NMT1: variants seen among roughly 807,000 people sequenced by gnomAD.
NMT1 encodes the protein glycylpeptide N-tetradecanoyltransferase 1.
NMT1 carries 12 observed loss-of-function variants against 63.4 expected under a neutral mutation model. The observed-to-expected ratio is 0.19, with a 90% CI of 0.12 to 0.31. NMT1 has a LOEUF of 0.31. Ranked by LOEUF, NMT1 falls within the 10% of genes least tolerant of loss-of-function variation. The pLI, the probability that NMT1 is intolerant of heterozygous loss-of-function variation, is 1.00. For synonymous variants in NMT1, 228 were observed against 234.3 expected (o/e 0.97, Z 0.25); for missense variants, 432 against 634.6 (o/e 0.68, Z 3.43).
In NMT1 at chr17:45,105,780, A is replaced by G. The variant is rs2054199303; in HGVS notation, c.*141A>G. The G allele has an allele frequency of 1.3e-6, 1 of 768,662 alleles. No homozygotes were observed. Among genetic ancestry groups the G allele is most frequent in the African/African-American group, 1.8e-5 (1 of 56,962 alleles). The allele number at this position is 768,662 out of a possible 1,614,324, so 47.6% of individuals were successfully genotyped here. ...ACTGAACCGGCTTTACCAAACCGCCAGCGAACTTGACAATTGTATTGCGAT... is the reference window on the plus strand; with the variant it reads ...ACTGAACCGGCTTTACCAAACCGCCGGCGAACTTGACAATTGTATTGCGAT... On this transcript the variant is annotated 3_prime_UTR_variant, in exon 12 of 12. Coordinates refer to ENST00000258960, the MANE Select transcript of NMT1 (RefSeq NM_021079.5). The surrounding 1 kb of genome is among the most constrained non-coding windows in gnomAD (Gnocchi z 4.2).
rs1283050785 is a variant in NMT1 at position 45,108,050 on chromosome 17, C to G, written c.*2411C>G. 6.6e-6 allele frequency: 1 copy of G among 152,234 alleles called. No homozygotes were observed. The highest frequency in any genetic ancestry group is 2.4e-5 in the African/African-American group (1 of 41,452). The allele number at this position is 152,234 out of a possible 1,614,324, so 9.4% of individuals were successfully genotyped here. On this transcript the variant is annotated 3_prime_UTR_variant, in exon 12 of 12. Coordinates refer to ENST00000258960, the MANE Select transcript of NMT1 (RefSeq NM_021079.5). ...GCACCATCCCGGGGGTCAGGGCCTC[C>G]CCACAGGAGCCCTGCAGTGTGGTAG...
At chr17:45,098,237 A>T (rs1389500535) in intron 6 of NMT1, 145 bp from the exon 7 acceptor site, 2 of 672,782 alleles carry the variant, frequency 3.0e-6, no homozygotes, top group Admixed American at 2.3e-5. Flanking sequence ...TGTGGTGGGG[A>T]GTCCCAGTAC....
rs2054199978 is a variant in NMT1 at position 45,105,860 on chromosome 17, A to C, written c.*221A>C. ...CGTGTCTCTGGTCTCCGTGTTTTCC[A>C]GTTAATTACATCCTCATGCAGCCGT... On this transcript the variant is annotated 3_prime_UTR_variant, in exon 12 of 12. Transcript: ENST00000258960. This position sits in a 1 kb window ranked among gnomAD's most constrained non-coding sequence, Gnocchi z 4.2. The C allele has an allele frequency of 3.7e-6, 2 of 542,470 alleles. No individual in the cohort carries two copies. Among genetic ancestry groups the C allele is most frequent in the East Asian group, 6.7e-5 (2 of 29,802 alleles). 33.6% of individuals were successfully genotyped at this position (542,470 alleles called of 1,614,324 possible).
At position 45,104,426 on chromosome 17, in the gene NMT1, A is replaced by G; in HGVS notation, c.1333-433A>G. On this transcript the variant is annotated intron_variant, in intron 10 of 11. Transcript: ENST00000258960. The surrounding 1 kb of genome is among the most constrained non-coding windows in gnomAD (Gnocchi z 4.2). ...CTCCAAGCAACACAGCAGGTGTCATACAACATGAGGTGCACTGAGGGCCTG... is the reference window on the plus strand; with the variant it reads ...CTCCAAGCAACACAGCAGGTGTCATGCAACATGAGGTGCACTGAGGGCCTG... The G allele has an allele frequency of 1.8e-6, 2 of 1,110,304 alleles. No individual in the cohort carries two copies. The highest frequency in any genetic ancestry group is 2.2e-6 in the Non-Finnish European group (2 of 904,634). The allele number at this position is 1,110,304 out of a possible 1,614,324, so 68.8% of individuals were successfully genotyped here. A position where few individuals can be genotyped will look rare whatever the true frequency, so the allele number is the denominator to read the frequency against.
intron 3 of NMT1, among the ~76,000 whole-genome samples, chr17:45,087,134 C>T (rs896523919): frequency 6.6e-6 from 1 of 151,868 alleles, no homozygotes; most frequent in African/African-American, 2.4e-5. Flanking sequence ...GCACTCCAGC[C>T]TATGTGACAG....
intron 8 of NMT1, 66 bp from the exon 9 acceptor site, chr17:45,102,885 T>G: frequency 6.8e-7 from 1 of 1,475,680 alleles, no homozygotes; most frequent in East Asian, 2.4e-5. Flanking sequence ...GCCTGATCTG[T>G]CCTTGCCATG....
In NMT1 at chr17:45,104,977, C is replaced by G; in HGVS notation, c.1451C>G (p.Pro484Arg). The G allele has an allele frequency of 6.2e-7, 1 of 1,614,126 alleles. No homozygotes were observed. Among genetic ancestry groups the G allele is most frequent in the Non-Finnish European group, 8.5e-7 (1 of 1,180,028 alleles). ...LQYYLYNWKC[P>R]SMGAEKVGLV... is the part of the protein sequence containing the mutation. ...TATTACCTTTACAATTGGAAATGCC[C>G]CAGCATGGGGGCAGAGAAGGTAGGC... is the stretch of plus-strand genomic sequence containing the variant. The change falls in exon 11 of 12, where the codon CCC (proline) becomes CGC (arginine). Residue 484 changes from proline to arginine, a missense_variant. By Grantham distance (103) the Pro-to-Arg change is moderately radical. Coordinates refer to ENST00000258960, the MANE Select transcript of NMT1 (RefSeq NM_021079.5). The surrounding 1 kb of genome is among the most constrained non-coding windows in gnomAD (Gnocchi z 4.2).
At chr17:45,061,598 G>A in intron 1 of NMT1, 138 bp downstream of exon 1, 1 of 736,438 alleles carries the variant, frequency 1.4e-6, no homozygotes, top group Non-Finnish European at 2.2e-6. Context: ...TCTGCCTGGC[G>A]ATTGGTTATT....
At chr17:45,074,972 T>C (rs919689726) in intron 1 of NMT1, among the ~76,000 whole-genome samples, 2 of 152,012 alleles carry the variant, frequency 1.3e-5, no homozygotes, top group African/African-American at 2.4e-5. Flanking sequence ...CCAGCACTTT[T>C]GGAGGCCAAG....
intron 2 of NMT1, among the ~76,000 whole-genome samples, chr17:45,085,660 T>G (rs2054047154): frequency 6.6e-6 from 1 of 152,142 alleles, no homozygotes; most frequent in Non-Finnish European, 1.5e-5. Flanking sequence ...ATGTATTACT[T>G]TTGCCATCAA....
chr17:45,106,577 A>G lies in NMT1; in HGVS notation c.*938A>G, dbSNP rs528096327. The G allele has an allele frequency of 3.9e-5, 6 of 152,776 alleles. No homozygotes were observed. The highest frequency in any genetic ancestry group is 1.4e-4 in the African/African-American group (6 of 41,572). 9.5% of individuals were successfully genotyped at this position (152,776 alleles called of 1,614,324 possible). On this transcript the variant is annotated 3_prime_UTR_variant, in exon 12 of 12. Transcript: ENST00000258960. ...TCAGGGACCTTTGGAGACCATTATC[A>G]GTGTAAGCCCTGCTTAGCTCATCTT...
chr17:45,093,458 A>G (rs1298604524), intron 3 of NMT1, among the ~76,000 whole-genome samples: 1 of 152,260 alleles, frequency 6.6e-6, no homozygotes, highest in African/African-American at 2.4e-5. Flanking sequence ...CCAAAACACG[A>G]ACCACCTTGG....
chr17:45,104,611 G>A lies in NMT1; in HGVS notation c.1333-248G>A. ...ATAACCAGGAATAGCAAGAGCCCCG[G>A]CCTGGACACTGAGTACATATGTGTA... On this transcript the variant is annotated intron_variant, in intron 10 of 11. Transcript: ENST00000258960. This position sits in a 1 kb window ranked among gnomAD's most constrained non-coding sequence, Gnocchi z 4.2. The A allele has an allele frequency of 7.7e-7, 1 of 1,301,356 alleles. No homozygotes were observed. The highest frequency in any genetic ancestry group is 9.8e-7 in the Non-Finnish European group (1 of 1,021,984). The allele number at this position is 1,301,356 out of a possible 1,614,324, so 80.6% of individuals were successfully genotyped here. A position where few individuals can be genotyped will look rare whatever the true frequency, so the allele number is the denominator to read the frequency against.
At position 45,098,547 on chromosome 17, in the gene NMT1, C is replaced by G. The variant is rs1486522613; in HGVS notation, c.879C>G (p.Thr293=). ...TGGTACTACCAAAGCCCGTTGGCAC[C>G]TGCAGGTAAAACTGTCTTCCTGTAA... ...AGVVLPKPVG[T]CRYWHRSLNP... The change falls in exon 7 of 12, where the codon ACC becomes ACG. Residue 293 remains threonine, a synonymous_variant. Transcript: ENST00000258960. The G allele has an allele frequency of 1.9e-6, 3 of 1,613,794 alleles. No individual in the cohort carries two copies. The South Asian group carries it at 3.3e-5, about 18-fold the overall frequency.
chr17:45,083,644 ACT>A (rs1178528920), intron 2 of NMT1: 1 of 152,060 alleles, frequency 6.6e-6, no homozygotes, highest in Non-Finnish European at 1.5e-5. Context: ...TATTTTTGAG[ACT>A]CTGTCATTCA....
chr17:45,076,928 C>T (rs1775935518), intron 1 of NMT1, among the ~76,000 whole-genome samples: 1 of 152,096 alleles, frequency 6.6e-6, no homozygotes, highest in African/African-American at 2.4e-5. Flanking sequence ...TTTCTAGATA[C>T]TTGTATTGGC....
chr17:45,104,126 G>A lies in NMT1; in HGVS notation c.1332+250G>A, dbSNP rs781126602. The A allele has an allele frequency of 1.3e-4, 186 of 1,389,382 alleles. No individual in the cohort carries two copies. The highest frequency in any genetic ancestry group is 1.7e-4 in the Non-Finnish European group (176 of 1,066,010). 86.1% of individuals were successfully genotyped at this position (1,389,382 alleles called of 1,614,324 possible). ...AGTGAGTTTCGTTCTCACAGGAGGC[G>A]CCACCAAGGAGCCTGAATAGCCAGG... On this transcript the variant is annotated intron_variant, in intron 10 of 11. Transcript: ENST00000258960. This position sits in a 1 kb window ranked among gnomAD's most constrained non-coding sequence, Gnocchi z 4.2.
chr17:45,097,792 G>T (rs1009282600), intron 6 of NMT1, among the ~76,000 whole-genome samples: 1 of 152,140 alleles, frequency 6.6e-6, no homozygotes, highest in African/African-American at 2.4e-5. Flanking sequence ...TTACAGGCAT[G>T]CGCCACCACA....
chr17:45,087,599 G>A (rs2054062916), intron 3 of NMT1, among the ~76,000 whole-genome samples: 2 of 152,214 alleles, frequency 1.3e-5, no homozygotes, highest in Non-Finnish European at 2.9e-5. Flanking sequence ...CAAAGTTTCT[G>A]AAGTGGTTGT....
Sources: gnomAD v4.1 joint callset for allele counts (sites outside exome capture counted in the v4.1 genomes callset) on GRCh38, gnomAD v4.1.1 for gene constraint, Gnocchi (gnomAD v3.1) non-coding constraint, MANE v1.5 for transcripts, NCBI Gene and HGNC (gene_info 2026-07-23, HGNC 2026-07-21) for gene names.